Variants in B3GNT2 observed in about 807,000 individuals in gnomAD.
B3GNT2 encodes UDP-GlcNAc:betaGal beta-1,3-N-acetylglucosaminyltransferase 2.
B3GNT2 carries 12 observed loss-of-function variants against 27.6 expected under a neutral mutation model. The ratio of observed to expected loss-of-function variants is 0.44; its 90% CI spans 0.28 to 0.71. The LOEUF is 0.71. B3GNT2 is among the 30% of genes least tolerant of loss of function. The pLI, the probability that B3GNT2 is intolerant of heterozygous loss-of-function variation, is 0.17. For synonymous variants in B3GNT2, 192 were observed against 189.7 expected (o/e 1.01, Z -0.10); for missense variants, 413 against 488.5 (o/e 0.85, Z 1.46).
rs1674709764 is a variant in B3GNT2 at position 62,222,141 on chromosome 2, G to A, written c.-9-71G>A. On this transcript the variant is annotated intron_variant, in intron 1 of 1. Transcript: ENST00000301998. This position sits in a 1 kb window ranked among gnomAD's most constrained non-coding sequence, Gnocchi z 4.2. ...GTAAACCACTATTCCTGGGGAGACA[G>A]GTAAAATAAATTGTATGTGCAAATG... is the stretch of plus-strand genomic sequence containing the variant. 1 of 1,333,504 alleles carries A rather than the reference G, an allele frequency of 7.5e-7. No individual in the cohort carries two copies. The highest frequency in any genetic ancestry group is 1.5e-5 in the African/African-American group (1 of 67,758). The allele number at this position is 1,333,504 out of a possible 1,614,324, so 82.6% of individuals were successfully genotyped here. A position where few individuals can be genotyped will look rare whatever the true frequency, so the allele number is the denominator to read the frequency against.
chr2:62,197,667 C>A (rs1674179880), intron 1 of B3GNT2, among the ~76,000 whole-genome samples: 1 of 152,230 alleles, frequency 6.6e-6, no homozygotes, highest in African/African-American at 2.4e-5. Context: ...AAAACAAATT[C>A]TTCCGGTATA....
At chr2:62,201,582 T>C (rs1466078970) in intron 1 of B3GNT2, among the ~76,000 whole-genome samples, 1 of 152,262 alleles carries the variant, frequency 6.6e-6, no homozygotes, top group East Asian at 1.9e-4. Context: ...CATGGCCTCA[T>C]GTCTCCTTAT....
Position 62,215,299 on chromosome 2 carries a change from G to A in B3GNT2, c.-9-6913G>A, listed in dbSNP as rs59899305. 5.4e-3 allele frequency among the ~76,000 whole-genome samples: 819 copies of A among 152,322 alleles called. 7 individuals carry two copies. Among genetic ancestry groups the A allele is most frequent in the African/African-American group, 0.019 (775 of 41,570 alleles). On this transcript the variant is annotated intron_variant, in intron 1 of 1. Transcript: ENST00000301998. ...TGTGACTTACAGACTGGAGAGCAGAGGTAGACCATCATCTTAGCTGAGTGC... is the reference window on the plus strand; with the variant it reads ...TGTGACTTACAGACTGGAGAGCAGAAGTAGACCATCATCTTAGCTGAGTGC...
chr2:62,196,164 G>C lies in B3GNT2; in HGVS notation c.-201G>C, dbSNP rs1365074888. 6.6e-6 allele frequency: 1 copy of C among 151,700 alleles called. No individual in the cohort carries two copies. Among genetic ancestry groups the C allele is most frequent in the Non-Finnish European group, 1.5e-5 (1 of 67,902 alleles). The allele number at this position is 151,700 out of a possible 1,614,324, so 9.4% of individuals were successfully genotyped here. ...GCGGCAGCAGCGGCAACAAGTGCCG[G>C]AGGCTAGCAGAGCCAAGCCGGAGCA... On this transcript the variant is annotated 5_prime_UTR_variant, in exon 1 of 2. Coordinates refer to ENST00000301998, the MANE Select transcript of B3GNT2 (RefSeq NM_006577.6).
chr2:62,212,981 A>G (rs1232726367), intron 1 of B3GNT2, among the ~76,000 whole-genome samples: 1 of 152,164 alleles, frequency 6.6e-6, no homozygotes, highest in Non-Finnish European at 1.5e-5. Context: ...TTGCTTGTAC[A>G]CAGGTCCTAG....
At chr2:62,212,305 C>G (rs1216686931) in intron 1 of B3GNT2, among the ~76,000 whole-genome samples, 1 of 152,084 alleles carries the variant, frequency 6.6e-6, no homozygotes, top group African/African-American at 2.4e-5. Context: ...ATCGGTGGTA[C>G]CAGGAGCCTA....
Position 62,222,276 on chromosome 2 carries a change from T to G in B3GNT2, c.56T>G (p.Val19Gly). ...KLLGILMMAN[V>G]FIYFIMEVSK... Reference sequence around the variant, plus strand: ...TTGGGTATCCTGATGATGGCAAATGTCTTCATTTATTTTATTATGGAAGTC... The same window carrying G: ...TTGGGTATCCTGATGATGGCAAATGGCTTCATTTATTTTATTATGGAAGTC... The change falls in exon 2 of 2, where the codon GTC (valine) becomes GGC (glycine). Residue 19 changes from valine to glycine, a missense_variant. By Grantham distance (109) the Val-to-Gly change is moderately radical (BLOSUM62 -3). Coordinates refer to ENST00000301998, the MANE Select transcript of B3GNT2 (RefSeq NM_006577.6). This position sits in a 1 kb window ranked among gnomAD's most constrained non-coding sequence, Gnocchi z 4.2. The G allele has an allele frequency of 6.2e-7, 1 of 1,613,204 alleles. No homozygotes were observed. The highest frequency in any genetic ancestry group is 8.5e-7 in the Non-Finnish European group (1 of 1,179,818).
intron 1 of B3GNT2, among the ~76,000 whole-genome samples, chr2:62,213,605 G>C (rs1418304619): frequency 6.6e-6 from 1 of 152,138 alleles, no homozygotes; most frequent in Non-Finnish European, 1.5e-5. Flanking sequence ...GGGAAATGAG[G>C]GGGCGGCTGT....
intron 1 of B3GNT2, among the ~76,000 whole-genome samples, chr2:62,197,863 T>C (rs1674184726): frequency 6.6e-6 from 1 of 152,200 alleles, no homozygotes; most frequent in African/African-American, 2.4e-5. Flanking sequence ...TCACTTCCCA[T>C]TGTCCTAACT....
intron 1 of B3GNT2, among the ~76,000 whole-genome samples, chr2:62,202,460 G>A (rs1386195631): frequency 6.6e-6 from 1 of 152,194 alleles, no homozygotes; most frequent in Non-Finnish European, 1.5e-5. Flanking sequence ...GCTTAGAAAG[G>A]TGTAATAGGC....
chr2:62,202,252 G>A (rs1674279902), intron 1 of B3GNT2, among the ~76,000 whole-genome samples: 2 of 152,220 alleles, frequency 1.3e-5, no homozygotes, highest in South Asian at 4.1e-4. Context: ...TTATGTGTTG[G>A]AGGCAGCCAA....
intron 1 of B3GNT2, among the ~76,000 whole-genome samples, chr2:62,213,507 G>A (rs1007925663): frequency 4.6e-5 from 7 of 152,100 alleles, no homozygotes; most frequent in Non-Finnish European, 1.0e-4. Flanking sequence ...TGCGGAAGAA[G>A]ATGGCACCCT....
chr2:62,199,931 A>G (rs1674230093), intron 1 of B3GNT2, among the ~76,000 whole-genome samples: 1 of 152,228 alleles, frequency 6.6e-6, no homozygotes, highest in South Asian at 2.1e-4. Context: ...TAATGATTTC[A>G]TCATCACTCA....
intron 1 of B3GNT2, among the ~76,000 whole-genome samples, chr2:62,213,464 G>A (rs1674515498): frequency 6.6e-6 from 1 of 152,156 alleles, no homozygotes; most frequent in Non-Finnish European, 1.5e-5. Context: ...GCCCCATTTT[G>A]GGATAAGGGT....
intron 1 of B3GNT2, among the ~76,000 whole-genome samples, chr2:62,198,805 T>TA (rs774517579): frequency 8.3e-4 from 127 of 152,168 alleles, no homozygotes; most frequent in East Asian, 1.7e-3. Flanking sequence ...TGGTTTTTTT[T>TA]AAAAAAAATA....
At chr2:62,202,441 G>GT (rs1277622525) in intron 1 of B3GNT2, among the ~76,000 whole-genome samples, 1 of 152,236 alleles carries the variant, frequency 6.6e-6, no homozygotes, top group East Asian at 1.9e-4. Context: ...TGGGTTTGGA[G>GT]TGCATGGTGC....
chr2:62,214,818 T>C (rs891628847), intron 1 of B3GNT2, among the ~76,000 whole-genome samples: 1 of 152,216 alleles, frequency 6.6e-6, no homozygotes, highest in Non-Finnish European at 1.5e-5. Context: ...TCACTCCAGA[T>C]GCCAAACTGG....
At chr2:62,210,803 T>C (rs1674468569) in intron 1 of B3GNT2, among the ~76,000 whole-genome samples, 1 of 152,188 alleles carries the variant, frequency 6.6e-6, no homozygotes, top group Non-Finnish European at 1.5e-5. Context: ...AGTACAGTAT[T>C]CACTGTCAGT....
rs1265416776 is a variant in B3GNT2 at position 62,222,519 on chromosome 2, T to A, written c.299T>A (p.Leu100Gln). 6.2e-7 allele frequency: 1 copy of A among 1,614,166 alleles called. No individual in the cohort carries two copies. Among genetic ancestry groups the A allele is most frequent in the Admixed American group, 1.7e-5 (1 of 60,028 alleles). The change falls in exon 2 of 2, where the codon CTG becomes CAG. Residue 100 changes from leucine (L) to glutamine (Q), a missense_variant. Physicochemically the swap from Leu to Gln is moderately radical, Grantham distance 113 (BLOSUM62 -2). Transcript: ENST00000301998. This position sits in a 1 kb window ranked among gnomAD's most constrained non-coding sequence, Gnocchi z 4.2. ...CATCTGAACTACTGCGAACCTGACC[T>A]GAGGGTCACGTCGGTGGTTACGGGT... ...ISHLNYCEPD[L>Q]RVTSVVTGFN...
Sources: gnomAD v4.1 joint callset for allele counts (sites outside exome capture counted in the v4.1 genomes callset) on GRCh38, gnomAD v4.1.1 for gene constraint, Gnocchi (gnomAD v3.1) non-coding constraint, MANE v1.5 for transcripts, NCBI Gene and HGNC (gene_info 2026-07-23, HGNC 2026-07-21) for gene names.